CSMD1: variants seen among roughly 807,000 people sequenced by gnomAD.
CSMD1 encodes CUB and sushi domain-containing protein 1.
A neutral mutation model predicts 417.5 loss-of-function variants in CSMD1; 213 were observed. That is an observed-to-expected ratio of 0.51 (90% CI 0.46 to 0.57). The LOEUF (loss-of-function observed/expected upper bound fraction) is 0.57. Ranked by LOEUF, CSMD1 falls within the 20% of genes least tolerant of loss-of-function variation. The pLI, the probability that CSMD1 is intolerant of heterozygous loss-of-function variation, is 0.00. For missense variants in CSMD1, 6,923 were observed against 4,529.7 expected (o/e 1.53, Z -15.17); for synonymous variants, 2,862 against 1,736.8 (o/e 1.65, Z -16.11).
chr8:3,744,862 C>A lies in CSMD1; in HGVS notation c.931+9068G>T, dbSNP rs770064518. 2.4e-4 allele frequency among the ~76,000 whole-genome samples: 37 copies of A among 152,078 alleles called. 1 individual carries two copies. Among genetic ancestry groups the A allele is most frequent in the Non-Finnish European group, 4.6e-4 (31 of 68,020 alleles). ...CATTAAGTCTGATAAATGCTCATCA[C>A]AGATAGAGTAAGGGATGGTGTTCAA... On this transcript the variant is annotated intron_variant, in intron 6 of 69. Coordinates refer to ENST00000635120, the MANE Select transcript of CSMD1 (RefSeq NM_033225.6).
chr8:3,785,443 A>G (rs190673428), intron 5 of CSMD1, among the ~76,000 whole-genome samples: 1 of 152,334 alleles, frequency 6.6e-6, no homozygotes, highest in East Asian at 1.9e-4. Context: ...CAGCAATGCC[A>G]AGATCAGCAA....
chr8:4,148,158 C>T (rs1338346752), intron 3 of CSMD1, among the ~76,000 whole-genome samples: 1 of 152,112 alleles, frequency 6.6e-6, no homozygotes, highest in African/African-American at 2.4e-5. Context: ...GAGTCAATAA[C>T]AGCTCCTGCC....
At chr8:3,430,562 C>T (rs1585153676) in intron 12 of CSMD1, among the ~76,000 whole-genome samples, 1 of 152,062 alleles carries the variant, frequency 6.6e-6, no homozygotes, top group Non-Finnish European at 1.5e-5. Context: ...ATCTCAGCAC[C>T]TTGGGAAGCT....
chr8:3,683,154 A>G (rs1334606809), intron 7 of CSMD1, among the ~76,000 whole-genome samples: 1 of 152,106 alleles, frequency 6.6e-6, no homozygotes, highest in Non-Finnish European at 1.5e-5. Flanking sequence ...TATGTAACAA[A>G]CCTGCACGTT....
At chr8:3,301,342 A>G (rs755976766) in intron 25 of CSMD1, among the ~76,000 whole-genome samples, 1 of 152,078 alleles carries the variant, frequency 6.6e-6, no homozygotes, top group Non-Finnish European at 1.5e-5. Context: ...GAGGCTTCAG[A>G]TGGGGTCTAA....
At chr8:3,857,485 T>C (rs1041560605) in intron 5 of CSMD1, among the ~76,000 whole-genome samples, 1 of 152,128 alleles carries the variant, frequency 6.6e-6, no homozygotes, top group Non-Finnish European at 1.5e-5. Flanking sequence ...CACCTATATA[T>C]ATGAGGATAC....
intron 3 of CSMD1, among the ~76,000 whole-genome samples, chr8:4,206,780 G>T (rs1381208176): frequency 6.6e-6 from 1 of 152,068 alleles, no homozygotes; most frequent in Non-Finnish European, 1.5e-5. Context: ...TTCTTTAAAT[G>T]GTAGTTGATT....
At chr8:3,167,752 A>C (rs988094539) in intron 37 of CSMD1, among the ~76,000 whole-genome samples, 24 of 152,220 alleles carry the variant, frequency 1.6e-4, no homozygotes, top group Non-Finnish European at 4.4e-5. Flanking sequence ...TAATGGCTTC[A>C]CCTACCACTG....
At chr8:3,167,113 C>T (rs956067619) in intron 37 of CSMD1, among the ~76,000 whole-genome samples, 7 of 152,072 alleles carry the variant, frequency 4.6e-5, no homozygotes, top group Middle Eastern at 3.4e-3. Context: ...GGTGAAACCC[C>T]GTCTCTACTA....
intron 2 of CSMD1, among the ~76,000 whole-genome samples, chr8:4,439,035 T>G (rs1798310919): frequency 6.6e-6 from 1 of 152,158 alleles, no homozygotes; most frequent in Non-Finnish European, 1.5e-5. Flanking sequence ...ACTATATTCT[T>G]TTTAGTAATC....
intron 3 of CSMD1, among the ~76,000 whole-genome samples, chr8:4,411,190 T>C (rs1272230635): frequency 6.6e-6 from 1 of 152,138 alleles, no homozygotes; most frequent in Non-Finnish European, 1.5e-5. Flanking sequence ...CACAGCAACA[T>C]AAAATGAACT....
chr8:2,981,168 T>C (rs555845158), intron 54 of CSMD1, among the ~76,000 whole-genome samples: 7 of 152,322 alleles, frequency 4.6e-5, no homozygotes, highest in East Asian at 1.9e-4. Flanking sequence ...TTCCATACCA[T>C]TGTTGCAAAT....
rs571754118 is a variant in CSMD1 at position 4,312,700 on chromosome 8, A to G, written c.415+107253T>C. On this transcript the variant is annotated intron_variant, in intron 3 of 69. Transcript: ENST00000635120. ...GAGACCAGCCTGGCCAACCTGACGA[A>G]ACCCCATTTCTACTAACGAAAAAAT... Among the ~76,000 whole-genome samples the G allele has an allele frequency of 2.0e-5, 3 of 151,980 alleles. No homozygotes were observed. In the South Asian group the frequency reaches 6.2e-4, roughly 31 times the overall value.
At position 3,235,186 on chromosome 8, in the gene CSMD1, T is replaced by C. The variant is rs191159629; in HGVS notation, c.4154-4955A>G. On this transcript the variant is annotated intron_variant, in intron 26 of 69. Coordinates refer to ENST00000635120, the MANE Select transcript of CSMD1 (RefSeq NM_033225.6). The stretch of plus-strand genomic sequence containing the variant: ...CAACATTTATACAATGAAATGAATG[T>C]TATATAATAGTACAAGAATTTAAAA... Among the ~76,000 whole-genome samples the C allele has an allele frequency of 1.2e-3, 188 of 152,316 alleles. 1 individual carries two copies. The highest frequency in any genetic ancestry group is 4.4e-3 in the African/African-American group (182 of 41,568).
At chr8:3,148,956 T>C (rs1490261818) in intron 40 of CSMD1, among the ~76,000 whole-genome samples, 1 of 152,252 alleles carries the variant, frequency 6.6e-6, no homozygotes. Context: ...ATACTTTTCA[T>C]GCCTGTTTGA....
intron 7 of CSMD1, among the ~76,000 whole-genome samples, chr8:3,617,614 T>C (rs1802206437): frequency 6.6e-6 from 1 of 152,194 alleles, no homozygotes; most frequent in Admixed American, 6.5e-5. Context: ...TCTGAAAATT[T>C]CTGTGTCCAG....
intron 5 of CSMD1, among the ~76,000 whole-genome samples, chr8:3,981,366 G>T (rs567599844): frequency 6.6e-6 from 1 of 151,920 alleles, no homozygotes; most frequent in Non-Finnish European, 1.5e-5. Flanking sequence ...GGGGGGTGAA[G>T]GATAAAAGAC....
intron 1 of CSMD1, among the ~76,000 whole-genome samples, chr8:4,834,956 C>CAAA (rs1194297821): frequency 7.1e-4 from 14 of 19,822 alleles, no homozygotes; most frequent in African/African-American, 2.0e-3. Flanking sequence ...GACTCCATCT[C>CAAA]AAAAAAAAAA....
At position 2,949,289 on chromosome 8, in the gene CSMD1, T is replaced by C; in HGVS notation, c.10402+10A>G. 1 of 1,503,104 alleles carries C rather than the reference T, an allele frequency of 6.7e-7. No individual in the cohort carries two copies. Among genetic ancestry groups the C allele is most frequent in the Non-Finnish European group, 9.2e-7 (1 of 1,082,686 alleles). 93.1% of individuals were successfully genotyped at this position (1,503,104 alleles called of 1,614,324 possible). ...TATTTGCTTTAAAATATATCCTAAG[T>C]GCAACTTACCTTGCCTTTCTAGCTT... On this transcript the variant is annotated intron_variant, in intron 68 of 69. Transcript: ENST00000635120.
Sources: allele counts gnomAD v4.1 joint callset (sites outside exome capture counted in the v4.1 genomes callset), GRCh38; gene constraint gnomAD v4.1.1; transcripts MANE v1.5; gene names NCBI Gene and HGNC (gene_info 2026-07-23, HGNC 2026-07-21).